The following NOL4 variants were observed in gnomAD, a reference collection of about 807,000 sequenced individuals.
NOL4 encodes nucleolar protein 4.
In NOL4, 17 loss-of-function variants were observed where a neutral mutation model predicts 75.9. The ratio of observed to expected loss-of-function variants is 0.22; its 90% CI spans 0.15 to 0.34. NOL4 has a LOEUF of 0.34. Among genes scored for constraint, NOL4 ranks in the 10% least tolerant of loss-of-function variants. NOL4 has a pLI of 1.00. For missense variants in NOL4, 614 were observed against 793.5 expected (o/e 0.77, Z 2.72); for synonymous variants, 292 against 289.9 (o/e 1.01, Z -0.07).
intron 9 of NOL4, among the ~76,000 whole-genome samples, chr18:33,942,854 C>G (rs2068588278): frequency 6.6e-6 from 1 of 151,872 alleles, no homozygotes; most frequent in African/African-American, 2.4e-5. Flanking sequence ...TGCTACTGTT[C>G]ATTTTCGCCA....
At chr18:33,942,240 C>T (rs1056595509) in intron 9 of NOL4, among the ~76,000 whole-genome samples, 1 of 151,900 alleles carries the variant, frequency 6.6e-6, no homozygotes, top group Non-Finnish European at 1.5e-5. Flanking sequence ...AGCATATAAT[C>T]CATTTGTTGT....
chr18:33,958,257 C>T lies in NOL4; in HGVS notation c.1218G>A (p.Glu406=), dbSNP rs1248391341. 9 of 1,613,416 alleles carry T rather than the reference C, an allele frequency of 5.6e-6. No individual in the cohort carries two copies. In the East Asian group the frequency reaches 1.8e-4, roughly 32 times the overall value. The change falls in exon 7 of 11, where the codon GAG becomes GAA. Residue 406 remains glutamate (E), a synonymous_variant. Transcript: ENST00000261592. ...KVNETDGVEA[E]RLKAFNMFVR... ...GACTCACATTAAAAGCTTTCAGCCG[C>T]TCGGCTTCAACGCCGTCTGTCTCAT...
intron 5 of NOL4, among the ~76,000 whole-genome samples, chr18:34,053,745 G>T (rs1218975688): frequency 6.6e-6 from 1 of 151,666 alleles, no homozygotes; most frequent in Non-Finnish European, 1.5e-5. Flanking sequence ...CCAAAAAAGG[G>T]GGAGCAATAT....
chr18:34,055,164 T>C (rs1247818347), intron 5 of NOL4, among the ~76,000 whole-genome samples: 1 of 151,780 alleles, frequency 6.6e-6, no homozygotes, highest in Middle Eastern at 3.2e-3. Context: ...ATATAAGAAT[T>C]AAAAGTAAAT....
chr18:34,184,335 A>G (rs966709704), intron 1 of NOL4, among the ~76,000 whole-genome samples: 2 of 152,008 alleles, frequency 1.3e-5, no homozygotes, highest in Non-Finnish European at 2.9e-5. Context: ...ACATGATACA[A>G]TTATGTTTCT....
intron 4 of NOL4, among the ~76,000 whole-genome samples, chr18:34,095,342 T>G (rs557940256): frequency 6.6e-6 from 1 of 151,562 alleles, no homozygotes; most frequent in African/African-American, 2.4e-5. Flanking sequence ...CAATGTGGAC[T>G]TGTTACTAGT....
chr18:34,139,261 C>A (rs1466472148), intron 1 of NOL4, among the ~76,000 whole-genome samples: 5 of 152,160 alleles, frequency 3.3e-5, no homozygotes, highest in African/African-American at 4.8e-5. Context: ...GGTACCAGCT[C>A]CTCCTTGTAC....
intron 1 of NOL4, among the ~76,000 whole-genome samples, chr18:34,177,942 C>A (rs183850914): frequency 1.8e-4 from 28 of 151,782 alleles, no homozygotes; most frequent in Admixed American, 7.2e-4. Flanking sequence ...AATGGGTAAC[C>A]ACACAGATAA....
intron 10 of NOL4, among the ~76,000 whole-genome samples, chr18:33,859,088 C>A (rs936604712): frequency 6.6e-6 from 1 of 151,856 alleles, no homozygotes; most frequent in Non-Finnish European, 1.5e-5. Context: ...TTAGTCTTCC[C>A]TATTGCTTCT....
chr18:34,158,664 A>T (rs1408675913), intron 1 of NOL4: 1 of 152,252 alleles, frequency 6.6e-6, no homozygotes, highest in Non-Finnish European at 1.5e-5. Context: ...GCTTAGCAGC[A>T]AGAGAACATT....
chr18:33,951,590 C>T (rs2069228624), intron 8 of NOL4, among the ~76,000 whole-genome samples: 1 of 152,078 alleles, frequency 6.6e-6, no homozygotes, highest in African/African-American at 2.4e-5. Flanking sequence ...TCTGGAATGC[C>T]TGTTAAATCT....
At chr18:34,138,766 G>A (rs1260023371) in intron 1 of NOL4, among the ~76,000 whole-genome samples, 2 of 152,020 alleles carry the variant, frequency 1.3e-5, no homozygotes, top group Non-Finnish European at 2.9e-5. Context: ...GTTTTCAAAG[G>A]GAATACTTCC....
At chr18:33,923,490 T>C (rs2067156993) in intron 9 of NOL4, among the ~76,000 whole-genome samples, 1 of 152,054 alleles carries the variant, frequency 6.6e-6, no homozygotes, top group African/African-American at 2.4e-5. Context: ...CATAATGATA[T>C]ATATCTTAAT....
chr18:33,864,030 C>T (rs930467499), intron 10 of NOL4, among the ~76,000 whole-genome samples: 1 of 152,134 alleles, frequency 6.6e-6, no homozygotes, highest in Non-Finnish European at 1.5e-5. Flanking sequence ...TTACCTTGGC[C>T]CCTTTTAGCC....
At chr18:34,099,138 G>A (rs547843503) in intron 4 of NOL4, among the ~76,000 whole-genome samples, 2 of 151,802 alleles carry the variant, frequency 1.3e-5, no homozygotes, top group East Asian at 3.9e-4. Context: ...TGAGGCAGGT[G>A]GATCACCTGA....
At chr18:33,869,840 A>G (rs1371965818) in intron 10 of NOL4, among the ~76,000 whole-genome samples, 4 of 152,068 alleles carry the variant, frequency 2.6e-5, no homozygotes, top group Non-Finnish European at 2.9e-5. Context: ...GTGATTTCTT[A>G]TCAAATATTT....
intron 5 of NOL4, among the ~76,000 whole-genome samples, chr18:34,059,750 G>A (rs1360031104): frequency 6.6e-6 from 1 of 152,166 alleles, no homozygotes; most frequent in African/African-American, 2.4e-5. Context: ...GGTCTGTCAA[G>A]TTCTTTAGCA....
chr18:34,184,642 G>C (rs1315477593), intron 1 of NOL4, among the ~76,000 whole-genome samples: 1 of 151,992 alleles, frequency 6.6e-6, no homozygotes, highest in Non-Finnish European at 1.5e-5. Context: ...GAGAAGGTGG[G>C]GGTTCAGTTC....
intron 5 of NOL4, among the ~76,000 whole-genome samples, chr18:34,053,175 T>C (rs910803052): frequency 6.6e-6 from 1 of 152,050 alleles, no homozygotes. Flanking sequence ...GTAGCAATGA[T>C]GTAAGTAGTC....
Sources: allele counts gnomAD v4.1 joint callset (sites outside exome capture counted in the v4.1 genomes callset), GRCh38; gene constraint gnomAD v4.1.1; transcripts MANE v1.5; gene names NCBI Gene and HGNC (gene_info 2026-07-23, HGNC 2026-07-21).